Variants in THTPA observed in about 807,000 individuals in gnomAD.
The protein encoded by THTPA is thiamine-triphosphatase.
In THTPA, 16 loss-of-function variants were observed where a neutral mutation model predicts 16.5. The observed-to-expected ratio is 0.97, with a 90% confidence interval of 0.66 to 1.47. THTPA has a LOEUF of 1.47. Ranked by LOEUF, THTPA falls within the 40% of genes most tolerant of loss-of-function variation. The probability of loss-of-function intolerance (pLI) is 0.00; values close to 1 mark genes in which losing one functional copy is unlikely to be tolerated. For missense variants in THTPA, 281 were observed against 280.9 expected (o/e 1.00, Z 0.00); for synonymous variants, 110 against 115.5 (o/e 0.95, Z 0.30).
chr14:23,555,034 C>T (rs775649222), upstream of THTPA, among the ~76,000 whole-genome samples: 2 of 152,198 alleles, frequency 1.3e-5, no homozygotes, highest in Non-Finnish European at 2.9e-5. Context: ...GTCGCCCAGG[C>T]TGGAGTGCAG....
At chr14:23,529,160 G>C in the THTPA span, among the ~76,000 whole-genome samples, 2 of 152,340 alleles carry the variant, frequency 1.3e-5, no homozygotes, top group Admixed American at 1.3e-4. Context: ...AATCCCCTCA[G>C]AACACAGAGC....
Position 23,559,566 on chromosome 14 carries a change from A to G in THTPA, c.*726A>G. On this transcript the variant is annotated 3_prime_UTR_variant, in exon 2 of 2. Transcript: ENST00000288014. ...CTTTCCACTTCAAATATACCCAAAT[A>G]TGGCTTTCCTCACTTCTCAGGCTTT... 3.3e-6 allele frequency: 2 copies of G among 604,992 alleles called. No individual in the cohort carries two copies. Among genetic ancestry groups the G allele is most frequent in the Non-Finnish European group, 5.9e-6 (2 of 336,796 alleles). 37.5% of individuals were successfully genotyped at this position (604,992 alleles called of 1,614,324 possible). A position where few individuals can be genotyped will look rare whatever the true frequency, so the allele number is the denominator to read the frequency against.
At chr14:23,547,666 C>T in the THTPA span, among the ~76,000 whole-genome samples, 2 of 152,160 alleles carry the variant, frequency 1.3e-5, no homozygotes, top group Non-Finnish European at 2.9e-5. Context: ...GGTTAACTAC[C>T]CTCCAGCCAT....
chr14:23,558,763 T>G lies in THTPA; in HGVS notation c.616T>G (p.Tyr206Asp). 1.2e-6 allele frequency: 2 copies of G among 1,614,202 alleles called. No homozygotes were observed. The highest frequency in any genetic ancestry group is 1.7e-6 in the Non-Finnish European group (2 of 1,180,026). ...VYLQRFRPQDYQRLLEVNSSR... is the reference protein window; with the variant it reads ...VYLQRFRPQDDQRLLEVNSSR... ...TCTACAGCGTTTCCGGCCTCAAGACTATCAGCGCCTGCTAGAAGTGAACAG... is the reference window on the plus strand; with the variant it reads ...TCTACAGCGTTTCCGGCCTCAAGACGATCAGCGCCTGCTAGAAGTGAACAG... The change falls in exon 2 of 2, where the codon TAT (tyrosine) becomes GAT (aspartate). Residue 206 changes from tyrosine to aspartate, a missense_variant. Transcript: ENST00000288014.
chr14:23,534,349 G>C, the THTPA span: 1 of 1,536,678 alleles, frequency 6.5e-7, no homozygotes, highest in Non-Finnish European at 8.7e-7. The surrounding 1 kb of genome is among the most constrained non-coding windows in gnomAD (Gnocchi z 4.5). Context: ...TTCTGCCTCA[G>C]GGGGGCCATC....
chr14:23,528,610 A>T, the THTPA span: 1 of 985,054 alleles, frequency 1.0e-6, no homozygotes, highest in Non-Finnish European at 1.2e-6. Context: ...GTGAACCATC[A>T]CCTGGAAAGG....
the THTPA span, among the ~76,000 whole-genome samples, chr14:23,549,291 C>A: frequency 6.6e-6 from 1 of 152,144 alleles, no homozygotes; most frequent in African/African-American, 2.4e-5. Context: ...CATTTCTCTA[C>A]CCCATGTGTT....
chr14:23,519,776 A>C, the THTPA span, among the ~76,000 whole-genome samples: 1 of 152,204 alleles, frequency 6.6e-6, no homozygotes. Context: ...ACACTGCTTC[A>C]GTATTAACAT....
the THTPA span, among the ~76,000 whole-genome samples, chr14:23,549,420 T>C: frequency 6.6e-6 from 1 of 152,148 alleles, no homozygotes; most frequent in Non-Finnish European, 1.5e-5. Context: ...GGAAAAACAA[T>C]GATGGGCTAA....
the THTPA span, chr14:23,534,598 C>T: frequency 2.9e-4 from 441 of 1,536,130 alleles, no homozygotes; most frequent in Middle Eastern, 2.5e-3. The surrounding 1 kb of genome is among the most constrained non-coding windows in gnomAD (Gnocchi z 4.5). Flanking sequence ...GAAACCCAGG[C>T]GGCACAGAAG....
the THTPA span, chr14:23,522,577 C>G: frequency 5.9e-6 from 9 of 1,527,032 alleles, no homozygotes; most frequent in Middle Eastern, 1.7e-4. Flanking sequence ...GGAAGTAGGC[C>G]CCCTGTAGCT....
the THTPA span, among the ~76,000 whole-genome samples, chr14:23,535,669 C>T: frequency 1.3e-5 from 2 of 151,800 alleles, no homozygotes; most frequent in African/African-American, 4.8e-5. The surrounding 1 kb of genome is among the most constrained non-coding windows in gnomAD (Gnocchi z 4.5). Context: ...CTCGGCTCAC[C>T]GCAACCTCCA....
chr14:23,531,245 C>G, the THTPA span: 1 of 456,690 alleles, frequency 2.2e-6, no homozygotes, highest in Non-Finnish European at 3.5e-6. Flanking sequence ...TCTTCCTGTT[C>G]TATGTCATCC....
chr14:23,524,534 TG>T, the THTPA span: 2 of 1,526,668 alleles, frequency 1.3e-6, no homozygotes, highest in South Asian at 1.2e-5. The surrounding 1 kb of genome is among the most constrained non-coding windows in gnomAD (Gnocchi z 5.6). Flanking sequence ...ATCTAGGAGT[TG>T]GGGGGGAGCA....
chr14:23,547,070 C>A, the THTPA span, among the ~76,000 whole-genome samples: 9 of 152,348 alleles, frequency 5.9e-5, no homozygotes, highest in African/African-American at 1.7e-4. Flanking sequence ...TAGACCTCCT[C>A]TTTCTGCAGA....
chr14:23,525,359 G>A, the THTPA span: 2 of 1,536,148 alleles, frequency 1.3e-6, no homozygotes, highest in East Asian at 2.4e-5. The surrounding 1 kb of genome is among the most constrained non-coding windows in gnomAD (Gnocchi z 5.9). Flanking sequence ...TGCAAGGGGC[G>A]GGTATAGGCT....
upstream of THTPA, among the ~76,000 whole-genome samples, chr14:23,554,949 C>G (rs1882239987): frequency 6.6e-6 from 1 of 152,124 alleles, no homozygotes; most frequent in Admixed American, 6.5e-5. Flanking sequence ...TATTTTGTCT[C>G]CCAAAGCATT....
chr14:23,529,617 G>A, the THTPA span: 1 of 1,253,620 alleles, frequency 8.0e-7, no homozygotes, highest in East Asian at 2.5e-5. Flanking sequence ...ATAAGTCAAA[G>A]CATGACAAAA....
chr14:23,526,480 A>C, the THTPA span: 13 of 1,535,970 alleles, frequency 8.5e-6, no homozygotes, highest in Non-Finnish European at 7.0e-6. Flanking sequence ...GGAGCTCCCC[A>C]GTGGTCCCCT....
Sources: gnomAD v4.1 joint callset for allele counts (sites outside exome capture counted in the v4.1 genomes callset) on GRCh38, gnomAD v4.1.1 for gene constraint, Gnocchi (gnomAD v3.1) non-coding constraint, MANE v1.5 for transcripts, NCBI Gene and HGNC (gene_info 2026-07-23, HGNC 2026-07-21) for gene names.